Variants in ASAP2 observed in about 807,000 individuals in gnomAD.
The protein encoded by ASAP2 is ArfGAP with SH3 domain, ankyrin repeat and PH domain 2.
In ASAP2, 45 loss-of-function variants were observed where a neutral mutation model predicts 131.4. That is an observed-to-expected ratio of 0.34 (90% CI 0.27 to 0.44). The LOEUF is 0.44. Among genes scored for constraint, ASAP2 ranks in the 20% least tolerant of loss-of-function variants. The pLI, the probability that ASAP2 is intolerant of heterozygous loss-of-function variation, is 1.00. For missense variants in ASAP2, 1,011 were observed against 1,297.0 expected, an observed-to-expected ratio of 0.78 and a Z score of 3.39; for synonymous variants, 510 against 503.0, an observed-to-expected ratio of 1.01 and a Z score of -0.19.
chr2:9,281,365 G>C lies in ASAP2; in HGVS notation c.199+1976G>C, dbSNP rs6724010. On this transcript the variant is annotated intron_variant, in intron 2 of 27. Transcript: ENST00000281419. This position sits in a 1 kb window ranked among gnomAD's most constrained non-coding sequence, Gnocchi z 4.0. ...ACTCCCAAGGCTGGCCCAGTGGCTG[G>C]CAGTACAGCTTATAAACAGCCCTGC... is the stretch of plus-strand genomic sequence containing the variant. Among the ~76,000 whole-genome samples, 6,314 of 152,276 alleles carry C rather than the reference G, an allele frequency of 0.041. 329 individuals are homozygous for C. The highest frequency in any genetic ancestry group is 0.12 in the African/African-American group (4,807 of 41,530).
chr2:9,284,722 T>C (rs998636802), intron 2 of ASAP2, among the ~76,000 whole-genome samples: 16 of 152,100 alleles, frequency 1.1e-4, no homozygotes, highest in Admixed American at 9.8e-4. Flanking sequence ...TGTGGGCGGG[T>C]AATAGGTGCC....
chr2:9,374,970 TAAA>T (rs61275202), intron 17 of ASAP2, 26 bp downstream of exon 17: 508 of 1,377,690 alleles, frequency 3.7e-4, no homozygotes, highest in South Asian at 1.1e-3. Context: ...GTTGCTACTT[TAAA>T]AAAAAAAAAA....
chr2:9,355,692 G>C (rs1179766047), intron 12 of ASAP2, among the ~76,000 whole-genome samples: 2 of 152,096 alleles, frequency 1.3e-5, no homozygotes, highest in Non-Finnish European at 2.9e-5. Flanking sequence ...TTTAAAAAAG[G>C]TTTTTATTAT....
At chr2:9,258,675 GA>G (rs574614282) in intron 1 of ASAP2, among the ~76,000 whole-genome samples, 219 of 152,322 alleles carry the variant, frequency 1.4e-3, no homozygotes, top group African/African-American at 5.1e-3. Context: ...GAAACCCCCG[GA>G]AGCTGCTGAC....
At position 9,371,719 on chromosome 2, in the gene ASAP2, C is replaced by T. The variant is rs576046621; in HGVS notation, c.1557-3036C>T. On this transcript the variant is annotated intron_variant, in intron 16 of 27. Coordinates refer to ENST00000281419, the MANE Select transcript of ASAP2 (RefSeq NM_003887.3). The stretch of plus-strand genomic sequence containing the variant: ...AACTGTTTCTCCCTGTGACTTGGGA[C>T]CATTATACACACCCTGTCCTTGAGA... Among the ~76,000 whole-genome samples the T allele has an allele frequency of 9.2e-5, 14 of 152,168 alleles. No individual in the cohort carries two copies. The South Asian group carries it at 2.9e-3, about 32-fold the overall frequency.
At chr2:9,393,676 C>A in intron 24 of ASAP2, 29 bp downstream of exon 24, 1 of 1,544,026 alleles carries the variant, frequency 6.5e-7, no homozygotes. Flanking sequence ...GCTCGGCCAT[C>A]CGTGCTCCTG....
At chr2:9,286,456 A>ATG in intron 2 of ASAP2, among the ~76,000 whole-genome samples, 1 of 151,312 alleles carries the variant, frequency 6.6e-6, no homozygotes, top group East Asian at 1.9e-4. Flanking sequence ...AAATATATAT[A>ATG]TATATACTGT....
chr2:9,371,680 C>A (rs1345521392), intron 16 of ASAP2, among the ~76,000 whole-genome samples: 1 of 152,064 alleles, frequency 6.6e-6, no homozygotes, highest in East Asian at 1.9e-4. Flanking sequence ...CTTGTATTTG[C>A]TCACAGGAGC....
intron 1 of ASAP2, among the ~76,000 whole-genome samples, chr2:9,210,151 C>T (rs11678359): frequency 0.047 from 7,081 of 152,226 alleles, 190 homozygotes; most frequent in African/African-American, 0.073. Context: ...TTGAACTTGG[C>T]TCCTGCTGTT....
At chr2:9,386,816 G>T (rs1675291814) in intron 21 of ASAP2, among the ~76,000 whole-genome samples, 1 of 152,226 alleles carries the variant, frequency 6.6e-6, no homozygotes, top group Non-Finnish European at 1.5e-5. Flanking sequence ...TGAGTCATTT[G>T]CTCACAATCA....
At chr2:9,297,597 T>C in intron 3 of ASAP2, 152 bp downstream of exon 3, 1 of 960,472 alleles carries the variant, frequency 1.0e-6, no homozygotes, top group South Asian at 2.0e-5. Context: ...ATTGGGTCAG[T>C]TTGGAATAAA....
At chr2:9,290,038 G>C (rs1667715892) in intron 2 of ASAP2, among the ~76,000 whole-genome samples, 1 of 152,106 alleles carries the variant, frequency 6.6e-6, no homozygotes, top group South Asian at 2.1e-4. Flanking sequence ...AGCTCTCAGG[G>C]GTTATGAATA....
At chr2:9,286,437 GA>G (rs556978805) in intron 2 of ASAP2, among the ~76,000 whole-genome samples, 17,918 of 128,840 alleles carry the variant, frequency 0.14, 1,396 homozygotes, top group African/African-American at 0.26. Context: ...TTTAAAAAAG[GA>G]AAAAAAAAAA....
At chr2:9,288,071 A>G (rs1360058609) in intron 2 of ASAP2, among the ~76,000 whole-genome samples, 4 of 152,188 alleles carry the variant, frequency 2.6e-5, no homozygotes, top group African/African-American at 9.7e-5. Flanking sequence ...TTTGGTTATC[A>G]TAGACATCAG....
chr2:9,287,814 T>C (rs1276522750), intron 2 of ASAP2, among the ~76,000 whole-genome samples: 2 of 152,164 alleles, frequency 1.3e-5, no homozygotes, highest in Non-Finnish European at 2.9e-5. Context: ...GGAATTTAGA[T>C]GGTGACTTGT....
intron 9 of ASAP2, among the ~76,000 whole-genome samples, chr2:9,340,224 T>C (rs1671491790): frequency 1.3e-5 from 2 of 152,350 alleles, no homozygotes; most frequent in South Asian, 4.1e-4. Context: ...GGTTTCACCA[T>C]GTTGGCCAGG....
intron 2 of ASAP2, among the ~76,000 whole-genome samples, chr2:9,284,516 A>G (rs866539071): frequency 4.8e-4 from 73 of 152,206 alleles, no homozygotes; most frequent in African/African-American, 1.6e-3. Flanking sequence ...AGCCTGTGAC[A>G]TTAGGACGAT....
rs1036321930 is a variant in ASAP2 at position 9,389,480 on chromosome 2, G to A, written c.2383+934G>A. On this transcript the variant is annotated intron_variant, in intron 22 of 27. Coordinates refer to ENST00000281419, the MANE Select transcript of ASAP2 (RefSeq NM_003887.3). This position sits in a 1 kb window ranked among gnomAD's most constrained non-coding sequence, Gnocchi z 4.7. ...CTAGCTGGGCAGGCTGGGTCGGTGC[G>A]TGAGGGTGGCTGAGGCCGGGAGACC... 2.0e-5 allele frequency among the ~76,000 whole-genome samples: 3 copies of A among 152,198 alleles called. No individual in the cohort carries two copies. Among genetic ancestry groups the A allele is most frequent in the South Asian group, 2.1e-4 (1 of 4,832 alleles).
chr2:9,334,951 C>CT (rs1230277820), intron 8 of ASAP2, 138 bp downstream of exon 8: 6 of 1,343,584 alleles, frequency 4.5e-6, no homozygotes, highest in Non-Finnish European at 6.3e-6. Context: ...CGCCTGTCCT[C>CT]TGTCTTGGTG....
Sources: gnomAD v4.1 joint callset for allele counts (sites outside exome capture counted in the v4.1 genomes callset) on GRCh38, gnomAD v4.1.1 for gene constraint, Gnocchi (gnomAD v3.1) non-coding constraint, MANE v1.5 for transcripts, NCBI Gene and HGNC (gene_info 2026-07-23, HGNC 2026-07-21) for gene names.